Variants in ZNF718 observed in about 807,000 individuals in gnomAD.
The protein encoded by ZNF718 is zinc finger protein 718.
A neutral mutation model predicts 2.6 loss-of-function variants in ZNF718; 3 were observed. The ratio of observed to expected loss-of-function variants is 1.16; its 90% confidence interval spans 0.53 to 3.01. The LOEUF (loss-of-function observed/expected upper bound fraction) is 3.01. Ranked by LOEUF, ZNF718 falls within the 30% of genes most tolerant of loss-of-function variation. The pLI, the probability that ZNF718 is intolerant of heterozygous loss-of-function variation, is 0.03. For missense variants in ZNF718, 468 were observed against 230.0 expected (o/e 2.03, Z -6.69); for synonymous variants, 135 against 77.9 (o/e 1.73, Z -3.86).
At chr4:140,784 C>T (rs748728676) in intron 3 of ZNF718, among the ~76,000 whole-genome samples, 6 of 152,088 alleles carry the variant, frequency 3.9e-5, no homozygotes, top group Non-Finnish European at 7.3e-5. Flanking sequence ...GTTATGTCTA[C>T]CAAATTGGCT....
intron 3 of ZNF718, among the ~76,000 whole-genome samples, chr4:178,347 C>T (rs1183758345): frequency 6.6e-6 from 1 of 151,960 alleles, no homozygotes; most frequent in Non-Finnish European, 1.5e-5. Context: ...CTATTTTTCC[C>T]AGGCTGGACT....
In ZNF718 at chr4:124,655, C is replaced by G; in HGVS notation, c.-16C>G. The G allele has an allele frequency of 6.2e-7, 1 of 1,608,542 alleles. No individual in the cohort carries two copies. Among genetic ancestry groups the G allele is most frequent in the African/African-American group, 1.3e-5 (1 of 75,032 alleles). On this transcript the variant is annotated 5_prime_UTR_variant, in exon 1 of 4. Transcript: ENST00000510175. Reference sequence around the variant, plus strand: ...GATTCGTATCTAAGACTCTGGGACACTCCTGAAGTCGGGAAATGGTGAGTG... The same window carrying G: ...GATTCGTATCTAAGACTCTGGGACAGTCCTGAAGTCGGGAAATGGTGAGTG...
At chr4:198,106 C>G (rs1717828125) in intron 3 of ZNF718, among the ~76,000 whole-genome samples, 1 of 152,132 alleles carries the variant, frequency 6.6e-6, no homozygotes, top group Non-Finnish European at 1.5e-5. Flanking sequence ...GATGATGTCC[C>G]CAGGCACCAT....
rs574987403 is a variant in ZNF718 at position 186,915 on chromosome 4, AT to A, written c.227-14163del. Reference sequence around the variant, plus strand: ...GAAGCCTACTTCTATCATTTCAGCCATTTCAGCCTCAGCCCAGTTCTGAACT... The same window carrying A: ...GAAGCCTACTTCTATCATTTCAGCCATTCAGCCTCAGCCCAGTTCTGAACT... On this transcript the variant is annotated intron_variant and NMD_transcript_variant, in intron 3 of 4. Coordinates refer to the ZNF718 transcript ENST00000642529. 4.3e-3 allele frequency among the ~76,000 whole-genome samples: 662 copies of A among 152,298 alleles called. 1 individual carries two copies. The highest frequency in any genetic ancestry group is 7.7e-3 in the Non-Finnish European group (527 of 68,030).
chr4:145,119 C>T (rs968664572), intron 3 of ZNF718, among the ~76,000 whole-genome samples: 9 of 152,094 alleles, frequency 5.9e-5, no homozygotes, highest in East Asian at 1.9e-4. Flanking sequence ...TTAAGGGGCT[C>T]ACTTCATTTT....
rs374364675 is a variant in ZNF718 at position 161,592 on chromosome 4, A to G, written c.907A>G (p.Arg303Gly). 8 of 780,912 alleles carry G rather than the reference A, an allele frequency of 1.0e-5. No homozygotes were observed. Among genetic ancestry groups the G allele is most frequent in the Non-Finnish European group, 1.9e-5 (8 of 418,022 alleles). The allele number at this position is 780,912 out of a possible 1,614,324, so 48.4% of individuals were successfully genotyped here. The change falls in exon 4 of 4, where the codon AGA becomes GGA. Residue 303 changes from arginine to glycine, a missense_variant. Physicochemically the swap from Arg to Gly is moderately radical, Grantham distance 125. Coordinates refer to ENST00000510175, the MANE Select transcript of ZNF718 (RefSeq NM_001039127.6). The stretch of plus-strand genomic sequence containing the variant: ...GTCCTCATCCCTTAATGAACATAAG[A>G]GAATTCATGCTGGAGAGAAACCCTT... ...KWSSSLNEHKRIHAGEKPFSC... is the reference protein window; with the variant it reads ...KWSSSLNEHKGIHAGEKPFSC...
intron 3 of ZNF718, among the ~76,000 whole-genome samples, chr4:192,422 C>T (rs1367368035): frequency 1.3e-5 from 2 of 152,136 alleles, no homozygotes; most frequent in South Asian, 2.1e-4. Flanking sequence ...CTCTTTACTA[C>T]CTGATTGGTG....
At chr4:145,856 TG>T (rs1184537954) in intron 3 of ZNF718, among the ~76,000 whole-genome samples, 1 of 152,170 alleles carries the variant, frequency 6.6e-6, no homozygotes, top group Non-Finnish European at 1.5e-5. Flanking sequence ...TTGACCAGGC[TG>T]GTTTTGAACT....
chr4:191,343 G>T (rs920984114), intron 3 of ZNF718, among the ~76,000 whole-genome samples: 2 of 151,646 alleles, frequency 1.3e-5, no homozygotes, highest in Admixed American at 1.3e-4. Context: ...GTAGAGACGG[G>T]GTTTTACCAT....
chr4:165,848 C>CT (rs1244555100), downstream of ZNF718, among the ~76,000 whole-genome samples: 11 of 114,150 alleles, frequency 9.6e-5, no homozygotes, highest in South Asian at 6.3e-4. Flanking sequence ...ATTTTACGTT[C>CT]TTTTTTTTTA....
intron 1 of ZNF718, 187 bp downstream of exon 1, chr4:124,860 C>G (rs1157564134): frequency 2.9e-6 from 2 of 679,608 alleles, no homozygotes; most frequent in East Asian, 3.0e-5. Context: ...TGCAGCCCTC[C>G]TTGTGCAGCT....
chr4:143,919 C>A (rs1480446771), intron 3 of ZNF718, among the ~76,000 whole-genome samples: 2 of 152,142 alleles, frequency 1.3e-5, no homozygotes, highest in Non-Finnish European at 2.9e-5. Flanking sequence ...GTTGACCCCC[C>A]CGTCTCCTAT....
At chr4:134,624 T>G (rs927198665) in intron 3 of ZNF718, among the ~76,000 whole-genome samples, 52 of 152,228 alleles carry the variant, frequency 3.4e-4, no homozygotes, top group African/African-American at 1.2e-3. Flanking sequence ...CTACTGAAAT[T>G]TCTGTCATTA....
intron 3 of ZNF718, among the ~76,000 whole-genome samples, chr4:174,091 T>C (rs10030553): frequency 0.47 from 71,825 of 151,908 alleles, 17,408 homozygotes; most frequent in South Asian, 0.53. Flanking sequence ...TTTAGATAAA[T>C]TCCTCTACAT....
At chr4:184,016 T>C (rs552858963) in intron 3 of ZNF718, among the ~76,000 whole-genome samples, 5 of 152,294 alleles carry the variant, frequency 3.3e-5, no homozygotes, top group Non-Finnish European at 7.4e-5. Flanking sequence ...TCTTGCCTGA[T>C]TGCCGTGGCC....
chr4:198,284 G>T (rs1717831819), intron 3 of ZNF718, among the ~76,000 whole-genome samples: 1 of 152,202 alleles, frequency 6.6e-6, no homozygotes, highest in South Asian at 2.1e-4. Flanking sequence ...CTGGCAGAGG[G>T]GGTCCACGTC....
chr4:162,822 G>T lies in ZNF718; in HGVS notation c.*700G>T, dbSNP rs1355543074. 3 of 152,120 alleles carry T rather than the reference G, an allele frequency of 2.0e-5. No individual in the cohort carries two copies. The highest frequency in any genetic ancestry group is 7.2e-5 in the African/African-American group (3 of 41,450). 9.4% of individuals were successfully genotyped at this position (152,120 alleles called of 1,614,324 possible). On this transcript the variant is annotated 3_prime_UTR_variant, in exon 4 of 4. Transcript: ENST00000510175. The stretch of plus-strand genomic sequence containing the variant: ...ACCAGTTTATACTAGAAGATATTTT[G>T]TAGATGCGGTAAGTATGAAAAGATA...
At chr4:170,338 C>T (rs1384490030) in intron 3 of ZNF718, among the ~76,000 whole-genome samples, 11 of 152,008 alleles carry the variant, frequency 7.2e-5, no homozygotes, top group African/African-American at 2.7e-4. Flanking sequence ...GGAGTTGCTC[C>T]TCTTGAGGAG....
At chr4:171,994 G>A (rs568617529) in intron 3 of ZNF718, among the ~76,000 whole-genome samples, 1 of 152,250 alleles carries the variant, frequency 6.6e-6, no homozygotes, top group South Asian at 2.1e-4. Context: ...TCCACCTGTC[G>A]AGATATTTTA....
Sources: gnomAD v4.1 joint callset for allele counts (sites outside exome capture counted in the v4.1 genomes callset) on GRCh38, gnomAD v4.1.1 for gene constraint, MANE v1.5 for transcripts, NCBI Gene and HGNC (gene_info 2026-07-23, HGNC 2026-07-21) for gene names.